HTR3B: variants seen among roughly 807,000 people sequenced by gnomAD.
The protein encoded by HTR3B is 5-hydroxytryptamine (serotonin) receptor 3B, ionotropic.
A neutral mutation model predicts 42.8 loss-of-function variants in HTR3B; 44 were observed. The observed-to-expected ratio is 1.03, with a 90% CI of 0.81 to 1.32. The LOEUF is 1.32. Ranked by LOEUF, HTR3B falls within the 40% of genes most tolerant of loss-of-function variation. The pLI is 0.00. For missense variants in HTR3B, 527 were observed against 536.5 expected (o/e 0.98, Z 0.17); for synonymous variants, 203 against 209.0 (o/e 0.97, Z 0.25).
chr11:113,937,142 C>A (rs1033786348), intron 6 of HTR3B, among the ~76,000 whole-genome samples: 3 of 152,160 alleles, frequency 2.0e-5, no homozygotes, highest in African/African-American at 7.2e-5. Context: ...AAATGATGAG[C>A]TGTAGGTAGG....
chr11:113,914,383 G>A (rs560914886), intron 2 of HTR3B, among the ~76,000 whole-genome samples: 69 of 151,202 alleles, frequency 4.6e-4, no homozygotes, highest in African/African-American at 1.6e-3. Context: ...AGAATTGCTT[G>A]AACCTGGGAG....
chr11:113,933,124 C>T (rs45562138), intron 6 of HTR3B, 31 bp downstream of exon 6: 56,337 of 1,598,348 alleles, frequency 0.035, 1,298 homozygotes, highest in African/African-American at 0.081. Flanking sequence ...CCCCGTTGCC[C>T]GCTTCTCCCC....
chr11:113,919,168 T>C (rs1354261432), intron 2 of HTR3B, among the ~76,000 whole-genome samples: 1 of 152,198 alleles, frequency 6.6e-6, no homozygotes, highest in Non-Finnish European at 1.5e-5. Flanking sequence ...GTATTTTTTT[T>C]AGACTTTGCC....
chr11:113,934,448 A>G (rs1591583470), intron 6 of HTR3B, among the ~76,000 whole-genome samples: 1 of 152,060 alleles, frequency 6.6e-6, no homozygotes, highest in African/African-American at 2.4e-5. Context: ...GAAAGAAAAA[A>G]GAAAGAAGGA....
chr11:113,909,349 G>T lies in HTR3B; in HGVS notation c.107G>T (p.Ser36Ile). Residue 36 changes from serine to isoleucine, a missense_variant, in exon 2 of 9, where the codon AGC becomes ATC. Coordinates refer to ENST00000260191, the MANE Select transcript of HTR3B (RefSeq NM_006028.5). ...CAGGATTCTGCTCTGTATCATCTCA[G>T]CAAGCAGCTATTACAGAAATATCAT... The part of the protein sequence containing the change: ...HPQDSALYHL[S>I]KQLLQKYHKE... 1 of 1,612,650 alleles carries T rather than the reference G, an allele frequency of 6.2e-7. No individual in the cohort carries two copies. Among genetic ancestry groups the T allele is most frequent in the Non-Finnish European group, 8.5e-7 (1 of 1,178,658 alleles).
upstream of HTR3B, among the ~76,000 whole-genome samples, chr11:113,900,837 G>C (rs2137475152): frequency 6.6e-6 from 1 of 152,220 alleles, no homozygotes; most frequent in South Asian, 2.1e-4. Flanking sequence ...AAGGGGAAGG[G>C]GAAGCAAGGC....
intron 6 of HTR3B, among the ~76,000 whole-genome samples, chr11:113,937,002 G>T (rs1286487913): frequency 6.6e-6 from 1 of 152,176 alleles, no homozygotes; most frequent in East Asian, 1.9e-4. Context: ...TGGCTTTAAT[G>T]GATAATGAAA....
At chr11:113,923,083 A>C (rs1160305238) in intron 2 of HTR3B, among the ~76,000 whole-genome samples, 1 of 152,222 alleles carries the variant, frequency 6.6e-6, no homozygotes, top group Non-Finnish European at 1.5e-5. Context: ...TGGCTACTCT[A>C]AAAATGCTCT....
At chr11:113,912,547 C>G (rs540305355) in intron 2 of HTR3B, among the ~76,000 whole-genome samples, 160 of 152,268 alleles carry the variant, frequency 1.1e-3, no homozygotes, top group African/African-American at 3.7e-3. Context: ...CCGGCGTTTC[C>G]ATTTCTTTTA....
chr11:113,943,262 C>T (rs1033655059), intron 7 of HTR3B, 70 bp downstream of exon 7: 1 of 1,268,754 alleles, frequency 7.9e-7, no homozygotes, highest in Non-Finnish European at 1.1e-6. Context: ...GCTGGCCAGG[C>T]ATGGTGGCTC....
intron 6 of HTR3B, among the ~76,000 whole-genome samples, chr11:113,939,550 A>G (rs1950117522): frequency 6.6e-6 from 1 of 152,082 alleles, no homozygotes; most frequent in African/African-American, 2.4e-5. Flanking sequence ...CTCGGGGAAC[A>G]CGTGGTCTGA....
chr11:113,909,542 T>C, intron 2 of HTR3B, 87 bp downstream of exon 2: 2 of 1,101,764 alleles, frequency 1.8e-6, no homozygotes, highest in South Asian at 1.6e-5. Flanking sequence ...GAGGTTATAT[T>C]CTTGAGATTG....
chr11:113,940,579 G>A (rs1950126672), intron 6 of HTR3B, among the ~76,000 whole-genome samples: 1 of 152,224 alleles, frequency 6.6e-6, no homozygotes. Flanking sequence ...TTATTGCAAA[G>A]CAGTGAGTGT....
upstream of HTR3B, among the ~76,000 whole-genome samples, chr11:113,901,884 A>G (rs1949699834): frequency 6.6e-6 from 1 of 152,234 alleles, no homozygotes. Flanking sequence ...CTTTGCATAA[A>G]GGGATGCTTC....
rs1004535930 is a variant in HTR3B, at chr11:113,948,382, C to T, written c.*2245C>T. Among the ~76,000 whole-genome samples, 1 of 152,172 alleles carries T rather than the reference C, an allele frequency of 6.6e-6. No homozygotes were observed. Among genetic ancestry groups the T allele is most frequent in the Non-Finnish European group, 1.5e-5 (1 of 68,034 alleles). ...TCCCAACTATGTCTTAGAGAAAGCA[C>T]CAGTGTCAGAGTCAGGAGTCCTGAT... On this transcript the variant is annotated 3_prime_UTR_variant, in exon 9 of 9. Transcript: ENST00000260191.
rs1332361346 is a variant in HTR3B at position 113,942,987 on chromosome 11, G to A, written c.702G>A (p.Val234=). 5 of 1,613,946 alleles carry A rather than the reference G, an allele frequency of 3.1e-6. No homozygotes were observed. The highest frequency in any genetic ancestry group is 3.4e-6 in the Non-Finnish European group (4 of 1,179,984). The change falls in exon 7 of 9, where the codon GTG becomes GTA. Residue 234 remains valine, a synonymous_variant. Coordinates refer to ENST00000260191, the MANE Select transcript of HTR3B (RefSeq NM_006028.5). The stretch of plus-strand genomic sequence containing the variant: ...GACCACTTGTTCCCGGCCAGGTGGT[G>A]ATGCGCAGGCACCCCCTGGTCTATG... ...GGFAQIQFNV[V]MRRHPLVYVV... is the part of the protein sequence containing the mutation.
intron 2 of HTR3B, among the ~76,000 whole-genome samples, chr11:113,913,801 A>G (rs1441914848): frequency 6.6e-6 from 1 of 152,176 alleles, no homozygotes; most frequent in Non-Finnish European, 1.5e-5. Context: ...GGAGTGAGCC[A>G]CCACGCCCGG....
intron 2 of HTR3B, among the ~76,000 whole-genome samples, chr11:113,918,845 C>T (rs962700085): frequency 3.3e-5 from 5 of 152,020 alleles, no homozygotes; most frequent in South Asian, 2.1e-4. Flanking sequence ...TTAGTAGAGA[C>T]GGGGTTTCAC....
intron 6 of HTR3B, 116 bp downstream of exon 6, chr11:113,933,209 A>G (rs995640746): frequency 1.1e-5 from 11 of 1,024,044 alleles, no homozygotes; most frequent in Non-Finnish European, 1.5e-5. Flanking sequence ...ACCCAAGAAC[A>G]GGGACTTCAG....
Sources: gnomAD v4.1 joint callset for allele counts (sites outside exome capture counted in the v4.1 genomes callset) on GRCh38, gnomAD v4.1.1 for gene constraint, MANE v1.5 for transcripts, NCBI Gene and HGNC (gene_info 2026-07-23, HGNC 2026-07-21) for gene names.